Variants in NEMP2 observed in about 807,000 individuals in gnomAD.
NEMP2 encodes UPF0571 transmembrane protein.
A neutral mutation model predicts 54.2 loss-of-function variants in NEMP2; 53 were observed. That is an observed-to-expected ratio of 0.98 (90% confidence interval 0.78 to 1.23). The LOEUF is 1.23. Among genes scored for constraint, NEMP2 ranks in the 50% most tolerant of loss-of-function variants. The probability of loss-of-function intolerance (pLI) is 0.00; values close to 1 mark genes in which losing one functional copy is unlikely to be tolerated. For missense variants in NEMP2, 455 were observed against 511.3 expected, an observed-to-expected ratio of 0.89 and a Z score of 1.06; for synonymous variants, 197 against 190.3, an observed-to-expected ratio of 1.04 and a Z score of -0.29.
the NEMP2 span, among the ~76,000 whole-genome samples, chr2:190,601,554 T>A: frequency 7.2e-5 from 11 of 152,196 alleles, no homozygotes; most frequent in Admixed American, 7.2e-4. The surrounding 1 kb of genome is among the most constrained non-coding windows in gnomAD (Gnocchi z 5.8). Context: ...GAAACCTATG[T>A]AAGTTGATAA....
At chr2:190,624,873 G>A in the NEMP2 span, 3 of 152,288 alleles carry the variant, frequency 2.0e-5, no homozygotes, top group East Asian at 5.8e-4. Flanking sequence ...AACCATATTA[G>A]TTATTAGGGT....
At chr2:190,591,159 G>T in the NEMP2 span, among the ~76,000 whole-genome samples, 1 of 152,210 alleles carries the variant, frequency 6.6e-6, no homozygotes, top group East Asian at 1.9e-4. The surrounding 1 kb of genome is among the most constrained non-coding windows in gnomAD (Gnocchi z 5.4). Flanking sequence ...GAGAAATTTT[G>T]TGTTTTCTTT....
chr2:190,619,711 T>C, the NEMP2 span, among the ~76,000 whole-genome samples: 1 of 152,142 alleles, frequency 6.6e-6, no homozygotes, highest in African/African-American at 2.4e-5. The surrounding 1 kb of genome is among the most constrained non-coding windows in gnomAD (Gnocchi z 5.5). Flanking sequence ...TGATTTTTCA[T>C]TCTGCTATCT....
chr2:190,641,772 C>T, the NEMP2 span, among the ~76,000 whole-genome samples: 1 of 152,152 alleles, frequency 6.6e-6, no homozygotes, highest in South Asian at 2.1e-4. Context: ...TATACAAGTC[C>T]TGCACAGTGG....
the NEMP2 span, among the ~76,000 whole-genome samples, chr2:190,622,684 C>CAATAAAGGG: frequency 6.6e-6 from 1 of 151,828 alleles, no homozygotes; most frequent in African/African-American, 2.4e-5. Flanking sequence ...TTTTGTGCTT[C>CAATAAAGGG]AATAAAGGGA....
chr2:190,556,434 T>G, the NEMP2 span, among the ~76,000 whole-genome samples: 2 of 152,178 alleles, frequency 1.3e-5, no homozygotes, highest in Non-Finnish European at 1.5e-5. Context: ...ATGGATGCCC[T>G]CTCTCAACAC....
At chr2:190,453,887 A>G in the NEMP2 span, among the ~76,000 whole-genome samples, 1 of 152,194 alleles carries the variant, frequency 6.6e-6, no homozygotes, top group East Asian at 1.9e-4. Flanking sequence ...AAACAAATCA[A>G]TTATTATCAT....
the NEMP2 span, among the ~76,000 whole-genome samples, chr2:190,452,253 T>A: frequency 1.3e-5 from 2 of 152,038 alleles, no homozygotes; most frequent in African/African-American, 2.4e-5. Flanking sequence ...AGACTCCATC[T>A]CAAAAACAAC....
chr2:190,443,794 C>G, the NEMP2 span, among the ~76,000 whole-genome samples: 1 of 152,308 alleles, frequency 6.6e-6, no homozygotes, highest in East Asian at 1.9e-4. This position sits in a 1 kb window ranked among gnomAD's most constrained non-coding sequence, Gnocchi z 4.2. Context: ...GTGGCTCACA[C>G]CTATAATCCC....
the NEMP2 span, among the ~76,000 whole-genome samples, chr2:190,587,569 T>C: frequency 6.6e-6 from 1 of 152,130 alleles, no homozygotes; most frequent in Non-Finnish European, 1.5e-5. This position sits in a 1 kb window ranked among gnomAD's most constrained non-coding sequence, Gnocchi z 5.4. Context: ...TTGGTAATGA[T>C]GGTGAGATGC....
the NEMP2 span, among the ~76,000 whole-genome samples, chr2:190,496,616 GTGTATGTATGTATA>G: frequency 2.1e-4 from 32 of 152,016 alleles, no homozygotes; most frequent in Admixed American, 8.5e-4. This position sits in a 1 kb window ranked among gnomAD's most constrained non-coding sequence, Gnocchi z 4.7. Flanking sequence ...ACTGTAGTGT[GTGTATGTATGTATA>G]TGTGTGTATA....
chr2:190,585,911 A>C, the NEMP2 span, among the ~76,000 whole-genome samples: 1 of 152,154 alleles, frequency 6.6e-6, no homozygotes, highest in South Asian at 2.1e-4. This position sits in a 1 kb window ranked among gnomAD's most constrained non-coding sequence, Gnocchi z 5.3. Context: ...CCATTTGTAG[A>C]GCTTCAAACA....
the NEMP2 span, among the ~76,000 whole-genome samples, chr2:190,598,205 A>G: frequency 6.6e-6 from 1 of 152,262 alleles, no homozygotes; most frequent in East Asian, 1.9e-4. Flanking sequence ...GGAGAGCAAA[A>G]TCACCCCTGG....
the NEMP2 span, among the ~76,000 whole-genome samples, chr2:190,475,778 A>G: frequency 6.6e-6 from 1 of 152,206 alleles, no homozygotes; most frequent in African/African-American, 2.4e-5. Context: ...AAAAGAACAA[A>G]GCTGGAGGCA....
the NEMP2 span, among the ~76,000 whole-genome samples, chr2:190,545,796 C>CT: frequency 3.9e-5 from 6 of 152,078 alleles, no homozygotes; most frequent in Non-Finnish European, 5.9e-5. Context: ...CCCTCTCTTT[C>CT]TTTTTCTTTT....
At chr2:190,585,539 C>T in the NEMP2 span, among the ~76,000 whole-genome samples, 920 of 152,272 alleles carry the variant, frequency 6.0e-3, 14 homozygotes, top group African/African-American at 0.021. The surrounding 1 kb of genome is among the most constrained non-coding windows in gnomAD (Gnocchi z 5.3). Flanking sequence ...TAGATTTCAA[C>T]CCCAGTCTAG....
chr2:190,533,037 C>T lies in NEMP2; in HGVS notation c.97+1522G>A, dbSNP rs1430896714. Among the ~76,000 whole-genome samples the T allele has an allele frequency of 6.6e-6, 1 of 152,206 alleles. No individual in the cohort carries two copies. Among genetic ancestry groups the T allele is most frequent in the Non-Finnish European group, 1.5e-5 (1 of 68,040 alleles). On this transcript the variant is annotated intron_variant, in intron 1 of 8. Transcript: ENST00000409150. The surrounding 1 kb of genome is among the most constrained non-coding windows in gnomAD (Gnocchi z 4.3). ...AACAAAGCAGAGAAGCAGGCTGTTA[C>T]TATTATACTAAATGCGGTAACATAA...
chr2:190,497,858 G>A, the NEMP2 span: 2 of 1,008,198 alleles, frequency 2.0e-6, no homozygotes, highest in South Asian at 1.7e-5. The surrounding 1 kb of genome is among the most constrained non-coding windows in gnomAD (Gnocchi z 5.2). Flanking sequence ...AACAATTTCA[G>A]TACTCTGTGA....
chr2:190,427,259 A>T, the NEMP2 span, among the ~76,000 whole-genome samples: 1 of 152,076 alleles, frequency 6.6e-6, no homozygotes, highest in African/African-American at 2.4e-5. Flanking sequence ...TTGCTCCTTT[A>T]TCTTCTCTGA....
Sources: allele counts gnomAD v4.1 joint callset (sites outside exome capture counted in the v4.1 genomes callset), GRCh38; gene constraint gnomAD v4.1.1; non-coding constraint Gnocchi (gnomAD v3.1); transcripts MANE v1.5; gene names NCBI Gene and HGNC (gene_info 2026-07-23, HGNC 2026-07-21).